UGGT1: variants seen among roughly 807,000 people sequenced by gnomAD.
UGGT1 encodes UDP-glucose glycoprotein glucosyltransferase 1.
A neutral mutation model predicts 203.9 loss-of-function variants in UGGT1; 107 were observed. The ratio of observed to expected loss-of-function variants is 0.52; its 90% confidence interval spans 0.45 to 0.62. UGGT1 has a LOEUF of 0.62. Ranked by LOEUF, UGGT1 falls within the 20% of genes least tolerant of loss-of-function variation. The probability of loss-of-function intolerance (pLI) is 0.00; values close to 1 mark genes in which losing one functional copy is unlikely to be tolerated. For missense variants in UGGT1, 1,673 were observed against 1,867.2 expected, an observed-to-expected ratio of 0.90 and a Z score of 1.92; for synonymous variants, 628 against 653.5, an observed-to-expected ratio of 0.96 and a Z score of 0.59.
At chr2:128,120,332 G>T in intron 8 of UGGT1, 24 bp from the exon 9 acceptor site, 2 of 1,594,536 alleles carry the variant, frequency 1.3e-6, no homozygotes, top group Non-Finnish European at 1.7e-6. Flanking sequence ...TAATGAAAAG[G>T]ACTGATTTTT....
In UGGT1 at chr2:128,104,003, C is replaced by T. The variant is rs752058222; in HGVS notation, c.266C>T (p.Ser89Leu). ...FVEASQNIGS[S>L]DHDGTDYSYY... Reference sequence around the variant, plus strand: ...GAAGCCAGTCAAAATATTGGATCATCAGATCATGACGGTAAAATTGAAGCA... The same window carrying T: ...GAAGCCAGTCAAAATATTGGATCATTAGATCATGACGGTAAAATTGAAGCA... Residue 89 changes from serine to leucine, a missense_variant, in exon 3 of 41, where the codon TCA becomes TTA. By Grantham distance (145) the Ser-to-Leu change is moderately radical. Around this residue, in one of 4 missense-constraint regions of UGGT1, gnomAD observed 1,073 missense variants for 1,078.7 expected, o/e 0.99. Coordinates refer to ENST00000259253, the MANE Select transcript of UGGT1 (RefSeq NM_020120.4). The T allele has an allele frequency of 6.3e-7, 1 of 1,576,234 alleles. No homozygotes were observed. Among genetic ancestry groups the T allele is most frequent in the South Asian group, 1.2e-5 (1 of 83,078 alleles).
intron 18 of UGGT1, among the ~76,000 whole-genome samples, chr2:128,149,440 T>A (rs1422171685): frequency 1.3e-5 from 2 of 148,204 alleles, no homozygotes; most frequent in East Asian, 2.1e-4. Flanking sequence ...GTCAGGAGAT[T>A]GAGACCATCC....
Position 128,150,559 on chromosome 2 carries a change from ATGTG to A in UGGT1, c.2017-2211_2017-2208del, listed in dbSNP as rs796725688. Among the ~76,000 whole-genome samples, 489 of 69,130 alleles carry A rather than the reference ATGTG, an allele frequency of 7.1e-3. 3 individuals carry two copies. Among genetic ancestry groups the A allele is most frequent in the African/African-American group, 0.015 (472 of 32,118 alleles). 45.4% of individuals were successfully genotyped at this position (69,130 alleles called of 152,430 possible). ...TGATTTCTTCCTCAAGACAACTACC[ATGTG>A]TGTGTGTGTGTGTCTGTGTGTGCAC... On this transcript the variant is annotated intron_variant, in intron 18 of 40. Transcript: ENST00000259253.
intron 14 of UGGT1, among the ~76,000 whole-genome samples, chr2:128,133,830 T>G (rs909875824): frequency 1.3e-5 from 2 of 152,202 alleles, no homozygotes; most frequent in African/African-American, 4.8e-5. Context: ...TATGGTTGTT[T>G]GCCAACTCCT....
At position 128,153,038 on chromosome 2, in the gene UGGT1, A is replaced by G. The variant is rs756727514; in HGVS notation, c.2137+134A>G. 2.4e-6 allele frequency: 3 copies of G among 1,267,074 alleles called. No homozygotes were observed. In the East Asian group the frequency reaches 7.5e-5, roughly 32 times the overall value. 78.5% of individuals were successfully genotyped at this position (1,267,074 alleles called of 1,614,324 possible). ...TAGCCCAAGATTGTGACAAAATTTT[A>G]TGTGTAAACTCTTTGCACCTTTAGT... On this transcript the variant is annotated intron_variant, in intron 19 of 40. Coordinates refer to ENST00000259253, the MANE Select transcript of UGGT1 (RefSeq NM_020120.4).
At chr2:128,117,974 GTGTCT>G (rs1688199471) in intron 8 of UGGT1, among the ~76,000 whole-genome samples, 1 of 105,060 alleles carries the variant, frequency 9.5e-6, no homozygotes, top group African/African-American at 7.1e-5. Flanking sequence ...GTGTGTGTGT[GTGTCT>G]GTGTGTGTGT....
chr2:128,154,058 T>TACACACACACACAC (rs768281875), intron 19 of UGGT1, among the ~76,000 whole-genome samples: 3 of 86,824 alleles, frequency 3.5e-5, no homozygotes, highest in African/African-American at 1.2e-4. Flanking sequence ...TACATGTATA[T>TACACACACACACAC]ATACACACAC....
intron 18 of UGGT1, among the ~76,000 whole-genome samples, chr2:128,150,683 T>TTTTTG: frequency 1.0e-5 from 1 of 99,140 alleles, no homozygotes; most frequent in Non-Finnish European, 2.2e-5. Flanking sequence ...TTTTTTTTTT[T>TTTTTG]TACAAATGTT....
At chr2:128,109,845 G>A (rs1387492335) in intron 5 of UGGT1, 99 bp downstream of exon 5, 1 of 959,726 alleles carries the variant, frequency 1.0e-6, no homozygotes, top group East Asian at 2.5e-5. Flanking sequence ...GTATCATTAG[G>A]TGTAATGGTT....
chr2:128,190,052 C>T lies in UGGT1; in HGVS notation c.*310C>T, dbSNP rs1486465072. The T allele has an allele frequency of 4.2e-5, 12 of 284,422 alleles. No homozygotes were observed. The highest frequency in any genetic ancestry group is 8.1e-5 in the Non-Finnish European group (12 of 148,394). The allele number at this position is 284,422 out of a possible 1,614,324, so 17.6% of individuals were successfully genotyped here. A position where few individuals can be genotyped will look rare whatever the true frequency, so the allele number is the denominator to read the frequency against. On this transcript the variant is annotated 3_prime_UTR_variant, in exon 41 of 41. Transcript: ENST00000259253. ...GGAAGAAAATGAGTTTTTTGGTGCC[C>T]ACACCCAAGAGCACACACATGCTGC...
chr2:128,163,381 T>A (rs888282189), intron 25 of UGGT1, among the ~76,000 whole-genome samples: 2 of 151,838 alleles, frequency 1.3e-5, no homozygotes, highest in Non-Finnish European at 2.9e-5. Context: ...GTGTTTTTTT[T>A]TTTTTTTTTT....
intron 17 of UGGT1, among the ~76,000 whole-genome samples, chr2:128,143,537 C>G (rs1221334543): frequency 6.6e-6 from 1 of 152,106 alleles, no homozygotes; most frequent in Non-Finnish European, 1.5e-5. Flanking sequence ...AAAGTATTTA[C>G]TTGAAAAATG....
chr2:128,097,617 G>A, intron 2 of UGGT1, 53 bp downstream of exon 2: 1 of 1,595,024 alleles, frequency 6.3e-7, no homozygotes, highest in Admixed American at 1.8e-5. Flanking sequence ...TATAGGCTCT[G>A]ACAGTGAACA....
intron 3 of UGGT1, among the ~76,000 whole-genome samples, chr2:128,105,533 G>A (rs1039988609): frequency 7.2e-6 from 1 of 138,122 alleles, no homozygotes; most frequent in African/African-American, 2.6e-5. Context: ...TTATTTTTTC[G>A]AGACAGAGTC....
intron 13 of UGGT1, among the ~76,000 whole-genome samples, chr2:128,132,784 C>T (rs1688944183): frequency 6.6e-6 from 1 of 152,092 alleles, no homozygotes. Context: ...AATCATGGCT[C>T]ATTGCAGCCT....
chr2:128,108,182 A>G, intron 4 of UGGT1, 114 bp downstream of exon 4: 11 of 1,276,334 alleles, frequency 8.6e-6, no homozygotes, highest in Non-Finnish European at 1.2e-5. Flanking sequence ...TTTGCCTGAA[A>G]TTTTCTAGGA....
chr2:128,100,580 A>ATTTTT (rs1264351444), intron 2 of UGGT1, among the ~76,000 whole-genome samples: 1 of 88,342 alleles, frequency 1.1e-5, no homozygotes, highest in East Asian at 3.2e-4. Context: ...CTAATTTTGT[A>ATTTTT]TTTTTTTTTT....
intron 15 of UGGT1, among the ~76,000 whole-genome samples, chr2:128,136,047 G>A (rs1468994837): frequency 2.0e-5 from 3 of 152,162 alleles, no homozygotes; most frequent in African/African-American, 4.8e-5. Context: ...ATTGAGGGAC[G>A]AGAAGAGGGC....
intron 12 of UGGT1, among the ~76,000 whole-genome samples, chr2:128,128,309 TTCTA>T (rs1688704055): frequency 8.9e-6 from 1 of 112,896 alleles, no homozygotes; most frequent in African/African-American, 3.0e-5. Flanking sequence ...TCTCCTTCCT[TTCTA>T]TCTTTTTTTT....
Sources: gnomAD v4.1 joint callset for allele counts (sites outside exome capture counted in the v4.1 genomes callset) on GRCh38, gnomAD v4.1.1 for gene constraint, gnomAD v4.1.1 regional missense constraint, MANE v1.5 for transcripts, NCBI Gene and HGNC (gene_info 2026-07-23, HGNC 2026-07-21) for gene names.